Variants in MSH3 observed in about 807,000 individuals in gnomAD.
MSH3 encodes DNA mismatch repair protein Msh3.
In MSH3, 106 loss-of-function variants were observed where a neutral mutation model predicts 123.3. That is an observed-to-expected ratio of 0.86 (90% CI 0.73 to 1.01). MSH3 has a LOEUF of 1.01. Ranked by LOEUF, MSH3 falls within the 50% of genes least tolerant of loss-of-function variation. MSH3 has a pLI of 0.00. For synonymous variants in MSH3, 515 were observed against 481.4 expected (o/e 1.07, Z -0.91); for missense variants, 1,459 against 1,347.6 (o/e 1.08, Z -1.29).
chr5:80,782,110 G>A (rs1254651396), intron 17 of MSH3, among the ~76,000 whole-genome samples: 1 of 151,766 alleles, frequency 6.6e-6, no homozygotes, highest in East Asian at 1.9e-4. Context: ...GTATATCTTT[G>A]GAGAAATATC....
At chr5:80,706,274 T>C (rs1010897263) in intron 8 of MSH3, among the ~76,000 whole-genome samples, 11 of 152,214 alleles carry the variant, frequency 7.2e-5, no homozygotes, top group African/African-American at 4.8e-5. Flanking sequence ...TTAATGAACT[T>C]GTGGACTCAA....
intron 21 of MSH3, among the ~76,000 whole-genome samples, chr5:80,861,302 G>T (rs1746009895): frequency 6.6e-6 from 1 of 152,182 alleles, no homozygotes. Context: ...GCTGGTAAGG[G>T]TCTAGGGGAG....
At chr5:80,708,153 G>C (rs1488095471) in intron 8 of MSH3, among the ~76,000 whole-genome samples, 2 of 152,202 alleles carry the variant, frequency 1.3e-5, no homozygotes, top group Non-Finnish European at 2.9e-5. Flanking sequence ...GGTGAAGTCA[G>C]ATGCATTAGT....
At chr5:80,851,775 G>A (rs1313564126) in intron 20 of MSH3, among the ~76,000 whole-genome samples, 1 of 151,868 alleles carries the variant, frequency 6.6e-6, no homozygotes, top group East Asian at 1.9e-4. Context: ...GCTTATATAG[G>A]GACACATCTT....
chr5:80,770,624 C>T (rs1319894778), intron 15 of MSH3, among the ~76,000 whole-genome samples: 1 of 152,146 alleles, frequency 6.6e-6, no homozygotes, highest in Non-Finnish European at 1.5e-5. Context: ...AGGTCCGAAG[C>T]ACAAATCCAG....
intron 19 of MSH3, among the ~76,000 whole-genome samples, chr5:80,798,297 C>T (rs867552042): frequency 6.6e-6 from 1 of 152,216 alleles, no homozygotes; most frequent in Middle Eastern, 3.4e-3. Flanking sequence ...TCATTAGCTC[C>T]GCATGTGGTA....
chr5:80,761,812 T>C, intron 13 of MSH3, 134 bp downstream of exon 13: 1 of 982,726 alleles, frequency 1.0e-6, no homozygotes, highest in Non-Finnish European at 1.5e-6. Context: ...CGAGAGTAGC[T>C]GAATCCTCAG....
chr5:80,672,318 A>G lies in MSH3; in HGVS notation c.867A>G (p.Arg289=). The change falls in exon 5 of 24, where the codon AGA becomes AGG. Residue 289 remains arginine (R), a synonymous_variant. Transcript: ENST00000265081. ...TGACAGCAAGTATACCTACTCACAG[A>G]CTGTTTGTTCATGTACGCCGCCTGG... ...NFMTASIPTH[R]LFVHVRRLVA... 1 of 1,614,026 alleles carries G rather than the reference A, an allele frequency of 6.2e-7. No individual in the cohort carries two copies. Among genetic ancestry groups the G allele is most frequent in the Non-Finnish European group, 8.5e-7 (1 of 1,179,954 alleles).
chr5:80,822,453 A>C (rs774059777), intron 20 of MSH3, among the ~76,000 whole-genome samples: 3 of 152,158 alleles, frequency 2.0e-5, no homozygotes, highest in Non-Finnish European at 4.4e-5. Context: ...TCCAGATTCT[A>C]TGCCATTAGT....
chr5:80,835,178 A>C (rs1745487147), intron 20 of MSH3, among the ~76,000 whole-genome samples: 1 of 152,232 alleles, frequency 6.6e-6, no homozygotes, highest in South Asian at 2.1e-4. Context: ...AGAAGAAAAA[A>C]TGTAGGGGAA....
chr5:80,786,312 T>G (rs1158485178), intron 17 of MSH3, among the ~76,000 whole-genome samples: 3 of 152,182 alleles, frequency 2.0e-5, no homozygotes, highest in Non-Finnish European at 2.9e-5. Flanking sequence ...GCTCAATTGC[T>G]TTAGGCTAAC....
chr5:80,785,274 C>T (rs1744483538), intron 17 of MSH3, among the ~76,000 whole-genome samples: 1 of 152,204 alleles, frequency 6.6e-6, no homozygotes, highest in African/African-American at 2.4e-5. Flanking sequence ...CTGAGCTACA[C>T]TATTTTTTAA....
intron 20 of MSH3, among the ~76,000 whole-genome samples, chr5:80,840,663 G>A (rs1489165039): frequency 1.3e-5 from 2 of 151,970 alleles, no homozygotes; most frequent in African/African-American, 4.8e-5. Flanking sequence ...TGTTACATAG[G>A]TATACATATG....
At chr5:80,828,642 C>A (rs113830284) in intron 20 of MSH3, among the ~76,000 whole-genome samples, 1 of 152,248 alleles carries the variant, frequency 6.6e-6, no homozygotes, top group South Asian at 2.1e-4. Context: ...GTGAAATGAA[C>A]GTGTTACCTA....
intron 17 of MSH3, among the ~76,000 whole-genome samples, chr5:80,783,739 C>A (rs576934307): frequency 6.6e-6 from 1 of 152,040 alleles, no homozygotes; most frequent in South Asian, 2.1e-4. Context: ...AAAAATTGAC[C>A]ATTTGTTACT....
At chr5:80,808,043 T>TTTTAAAATTTGTTTGATAG (rs1744923190) in intron 19 of MSH3, among the ~76,000 whole-genome samples, 1 of 152,230 alleles carries the variant, frequency 6.6e-6, no homozygotes, top group Admixed American at 6.5e-5. Context: ...TTTAAAAGTG[T>TTTTAAAATTTGTTTGATAG]TCTCTATAAA....
At position 80,695,421 on chromosome 5, in the gene MSH3, G is replaced by C. The variant is rs566029153; in HGVS notation, c.1340+16328G>C. The stretch of plus-strand genomic sequence containing the variant: ...ATGATCTCAGCTCACTGCAACCTCC[G>C]CCCCCCGGGTTCAAGCAGTTTTCCT... On this transcript the variant is annotated intron_variant, in intron 8 of 23. Coordinates refer to ENST00000265081, the MANE Select transcript of MSH3 (RefSeq NM_002439.5). Among the ~76,000 whole-genome samples the C allele has an allele frequency of 5.2e-4, 79 of 151,754 alleles. 1 individual carries two copies. The highest frequency in any genetic ancestry group is 1.8e-3 in the African/African-American group (74 of 41,262).
chr5:80,752,631 T>C (rs1743857387), intron 12 of MSH3, among the ~76,000 whole-genome samples: 1 of 152,158 alleles, frequency 6.6e-6, no homozygotes, highest in African/African-American at 2.4e-5. Flanking sequence ...TACCTCATTG[T>C]GGTGTTGTGA....
chr5:80,701,559 T>A (rs1580572579), intron 8 of MSH3, among the ~76,000 whole-genome samples: 2 of 152,282 alleles, frequency 1.3e-5, no homozygotes. Context: ...GATCTCTTTA[T>A]TTTTTTCTTC....
Sources: gnomAD v4.1 joint callset for allele counts (sites outside exome capture counted in the v4.1 genomes callset) on GRCh38, gnomAD v4.1.1 for gene constraint, MANE v1.5 for transcripts, NCBI Gene and HGNC (gene_info 2026-07-23, HGNC 2026-07-21) for gene names.